The following CCDC14 variants were observed in gnomAD, a reference collection of about 807,000 sequenced individuals.
The protein encoded by CCDC14 is coiled-coil domain containing 14, also known as coiled-coil domain-containing protein 14.
In CCDC14, 71 loss-of-function variants were observed where a neutral mutation model predicts 81.4. That is an observed-to-expected ratio of 0.87 (90% CI 0.72 to 1.06). The LOEUF is 1.06. CCDC14 is among the 50% of genes least tolerant of loss of function. The pLI, the probability that CCDC14 is intolerant of heterozygous loss-of-function variation, is 0.00. For missense variants in CCDC14, 1,046 were observed against 1,047.3 expected (o/e 1.00, Z 0.02); for synonymous variants, 332 against 364.8 (o/e 0.91, Z 1.03).
In CCDC14 at chr3:123,914,086, A is replaced by G; in HGVS notation, c.*693T>C. ...TTAAAAAAAACCCACAAATTTCCCC[A>G]ACTATAGCTTATCTGTTAGCACTTC... On this transcript the variant is annotated 3_prime_UTR_variant, in exon 13 of 13. Coordinates refer to ENST00000409697, the MANE Select transcript of CCDC14 (RefSeq NM_001366335.1). 1.0e-6 allele frequency: 1 copy of G among 985,678 alleles called. No homozygotes were observed. Among genetic ancestry groups the G allele is most frequent in the Non-Finnish European group, 1.2e-6 (1 of 829,788 alleles). The allele number at this position is 985,678 out of a possible 1,614,324, so 61.1% of individuals were successfully genotyped here.
the CCDC14 span, among the ~76,000 whole-genome samples, chr3:123,890,672 G>T: frequency 1.3e-5 from 2 of 152,204 alleles, no homozygotes; most frequent in African/African-American, 4.8e-5. Context: ...TGCCCCTGTG[G>T]CTTTGCAGGA....
downstream of CCDC14, among the ~76,000 whole-genome samples, chr3:123,911,229 G>A (rs1230428039): frequency 6.6e-6 from 1 of 152,072 alleles, no homozygotes; most frequent in Non-Finnish European, 1.5e-5. Flanking sequence ...ATCATCTCTG[G>A]TAATTCTATG....
intron 1 of CCDC14, chr3:123,958,426 G>A (rs1004724061): frequency 6.6e-6 from 1 of 152,170 alleles, no homozygotes. Flanking sequence ...AAAGCACCTT[G>A]AAACAGTAAC....
chr3:123,931,745 A>C (rs1055614063), intron 10 of CCDC14, among the ~76,000 whole-genome samples: 7 of 152,180 alleles, frequency 4.6e-5, no homozygotes, highest in Admixed American at 3.9e-4. Context: ...TTAAGCATTA[A>C]TTTTTTAAAC....
intron 5 of CCDC14, among the ~76,000 whole-genome samples, chr3:123,899,900 T>TTA (rs1415196876): frequency 6.6e-6 from 1 of 152,184 alleles, no homozygotes; most frequent in African/African-American, 2.4e-5. Flanking sequence ...TCAGGGCTCA[T>TTA]TAGTCTTTTC....
chr3:123,940,325 T>C (rs1444957160), intron 9 of CCDC14, among the ~76,000 whole-genome samples: 1 of 151,908 alleles, frequency 6.6e-6, no homozygotes, highest in Non-Finnish European at 1.5e-5. Flanking sequence ...TTTCTTCTCT[T>C]TTTCTTTTTC....
At position 123,934,015 on chromosome 3, in the gene CCDC14, GTAA is replaced by G. The variant is rs532377943; in HGVS notation, c.1344-263_1344-261del. The stretch of plus-strand genomic sequence containing the variant: ...GGGCCAGGCGCGGTGGCTCACGCCT[GTAA>G]TCCCAGCACTTTGGGAGGTCGAGGT... On this transcript the variant is annotated intron_variant, in intron 9 of 12. Coordinates refer to ENST00000409697, the MANE Select transcript of CCDC14 (RefSeq NM_001366335.1). Among the ~76,000 whole-genome samples the G allele has an allele frequency of 6.1e-4, 93 of 152,228 alleles. 2 individuals carry two copies. The South Asian group carries it at 0.011, about 18-fold the overall frequency.
At chr3:123,903,147 G>A (rs1465249725) in intron 5 of CCDC14, among the ~76,000 whole-genome samples, 19 of 152,138 alleles carry the variant, frequency 1.2e-4, no homozygotes, top group Admixed American at 1.2e-3. Context: ...TCAGGAACTT[G>A]CTTTAAAACA....
intron 9 of CCDC14, among the ~76,000 whole-genome samples, chr3:123,937,372 A>C (rs898293762): frequency 6.6e-6 from 1 of 152,052 alleles, no homozygotes. Flanking sequence ...ATGGGTATGC[A>C]GTGGTATTTT....
At position 123,956,751 on chromosome 3, in the gene CCDC14, A is replaced by G. The variant is rs768516421; in HGVS notation, c.75T>C (p.Asn25=). Residue 25 remains asparagine (N), a synonymous_variant, in exon 2 of 13, where the codon AAT becomes AAC. Transcript: ENST00000409697. ...CTTCAAGTACTTACGCTTTCTTTCC[A>G]TTTGTTAATTTAGCAGGTCCAGTGT... ...GRHTGPAKLT[N]GKKATYLRKI... 1.5e-5 allele frequency: 23 copies of G among 1,547,750 alleles called. No homozygotes were observed. The highest frequency in any genetic ancestry group is 2.0e-5 in the Non-Finnish European group (23 of 1,144,226).
At chr3:123,901,417 G>A (rs1220992770) in intron 5 of CCDC14, among the ~76,000 whole-genome samples, 1 of 151,814 alleles carries the variant, frequency 6.6e-6, no homozygotes, top group African/African-American at 2.4e-5. Flanking sequence ...GTATTACAGA[G>A]TGGTAGTTCA....
chr3:123,905,435 C>T (rs1299733371), intron 5 of CCDC14, among the ~76,000 whole-genome samples: 1 of 152,088 alleles, frequency 6.6e-6, no homozygotes, highest in Non-Finnish European at 1.5e-5. Flanking sequence ...TGCCTTACGG[C>T]AGGGCTTGAA....
chr3:123,928,453 C>G (rs539534107), intron 12 of CCDC14, among the ~76,000 whole-genome samples: 31 of 151,888 alleles, frequency 2.0e-4, no homozygotes, highest in African/African-American at 7.5e-4. Context: ...TTGCAGTGAG[C>G]CAAGATAGCG....
At position 123,913,679 on chromosome 3, in the gene CCDC14, A is replaced by AT; in HGVS notation, c.*1099_*1100insA. On this transcript the variant is annotated 3_prime_UTR_variant, in exon 13 of 13. Coordinates refer to ENST00000409697, the MANE Select transcript of CCDC14 (RefSeq NM_001366335.1). ...GCTGTAGCACTAACACCTAAAAAAAAAAAAAAAACCACCAAAAAAACAAAA... is the reference window on the plus strand; with the variant it reads ...GCTGTAGCACTAACACCTAAAAAAAATAAAAAAAACCACCAAAAAAACAAAA... The AT allele has an allele frequency of 1.0e-6, 1 of 984,582 alleles. No homozygotes were observed. Among genetic ancestry groups the AT allele is most frequent in the Non-Finnish European group, 1.2e-6 (1 of 829,624 alleles). The allele number at this position is 984,582 out of a possible 1,614,324, so 61.0% of individuals were successfully genotyped here. A position where few individuals can be genotyped will look rare whatever the true frequency, so the allele number is the denominator to read the frequency against.
chr3:123,947,311 T>A lies in CCDC14; in HGVS notation c.693A>T (p.Gln231His). Reference protein sequence around the residue: ...PCPPKVHSEVQTDGNSQFASQ... With the variant: ...PCPPKVHSEVHTDGNSQFASQ... The stretch of plus-strand genomic sequence containing the variant: ...ATGCAAACTGACTGTTGCCATCAGT[T>A]TGAACTTCCTAAAGAAAGATAAAAA... The change falls in exon 8 of 13, where the codon CAA becomes CAT. Residue 231 changes from glutamine to histidine, a missense_variant. By Grantham distance (24) the Gln-to-His change is conservative. Coordinates refer to ENST00000409697, the MANE Select transcript of CCDC14 (RefSeq NM_001366335.1). The A allele has an allele frequency of 5.6e-6, 9 of 1,604,538 alleles. No homozygotes were observed. In the South Asian group the frequency reaches 8.9e-5, roughly 16 times the overall value.
At chr3:123,939,205 C>T (rs2058258793) in intron 9 of CCDC14, among the ~76,000 whole-genome samples, 1 of 151,794 alleles carries the variant, frequency 6.6e-6, no homozygotes, top group Non-Finnish European at 1.5e-5. Flanking sequence ...CTTTCTTTCC[C>T]TCAGAACTTT....
At chr3:123,902,523 A>G (rs1258149677) in intron 5 of CCDC14, among the ~76,000 whole-genome samples, 2 of 152,236 alleles carry the variant, frequency 1.3e-5, no homozygotes, top group African/African-American at 2.4e-5. Flanking sequence ...GGCAATAAGG[A>G]TGAGGAAAAT....
intron 7 of CCDC14, among the ~76,000 whole-genome samples, chr3:123,947,824 T>G (rs2036744847): frequency 6.6e-6 from 1 of 151,266 alleles, no homozygotes; most frequent in Admixed American, 6.6e-5. Context: ...ACTTGCTTAT[T>G]AATAATAATA....
In CCDC14 at chr3:123,946,991, T is replaced by A; in HGVS notation, c.1013A>T (p.Asn338Ile). The A allele has an allele frequency of 6.2e-7, 1 of 1,614,014 alleles. No individual in the cohort carries two copies. Among genetic ancestry groups the A allele is most frequent in the African/African-American group, 1.3e-5 (1 of 75,060 alleles). Residue 338 changes from asparagine (N) to isoleucine (I), a missense_variant, in exon 8 of 13, where the codon AAT (asparagine) becomes ATT (isoleucine). Coordinates refer to ENST00000409697, the MANE Select transcript of CCDC14 (RefSeq NM_001366335.1). ...TTGCTCTCTGGCACATTTTTCTTCA[T>A]TAGTGGCCAAGAAAGCTGGTTGTGA... ...TQSQPAFLAT[N>I]EEKCAREQIR...
Sources: gnomAD v4.1 joint callset for allele counts (sites outside exome capture counted in the v4.1 genomes callset) on GRCh38, gnomAD v4.1.1 for gene constraint, MANE v1.5 for transcripts, NCBI Gene and HGNC (gene_info 2026-07-23, HGNC 2026-07-21) for gene names.